The following SLC13A4 variants were observed in gnomAD, a reference collection of about 807,000 sequenced individuals.
The protein encoded by SLC13A4 is Na(+)/sulfate cotransporter SUT-1.
Under a neutral mutation model 72.7 loss-of-function variants are expected in SLC13A4, and 28 were observed. That is an observed-to-expected ratio of 0.39 (90% CI 0.29 to 0.53). The LOEUF (loss-of-function observed/expected upper bound fraction) is 0.53. SLC13A4 is among the 20% of genes least tolerant of loss of function. SLC13A4 has a pLI of 0.78. For missense variants in SLC13A4, 653 were observed against 788.0 expected, an observed-to-expected ratio of 0.83 and a Z score of 2.05; for synonymous variants, 312 against 325.5, an observed-to-expected ratio of 0.96 and a Z score of 0.45.
rs78294905 is a variant in SLC13A4, at chr7:135,701,160, A to T, written c.714+520T>A. The stretch of plus-strand genomic sequence containing the variant: ...ATGATTGATACATAATAAGCATTTA[A>T]TAAATGGTGGCAGTTATTTATGATG... On this transcript the variant is annotated intron_variant, in intron 7 of 15. Transcript: ENST00000682651. 1.4e-4 allele frequency among the ~76,000 whole-genome samples: 22 copies of T among 152,358 alleles called. No homozygotes were observed. The East Asian group carries it at 3.5e-3, about 24-fold the overall frequency.
At chr7:135,686,239 G>T in intron 13 of SLC13A4, among the ~76,000 whole-genome samples, 1 of 152,238 alleles carries the variant, frequency 6.6e-6, no homozygotes, top group Non-Finnish European at 1.5e-5. Flanking sequence ...TAATAAAGTA[G>T]AGGGGGATAA....
At position 135,706,329 on chromosome 7, in the gene SLC13A4, C is replaced by G. The variant is rs185596259; in HGVS notation, c.366-29G>C. The G allele has an allele frequency of 2.5e-6, 4 of 1,574,750 alleles. No individual in the cohort carries two copies. In the Admixed American group the frequency reaches 5.1e-5, roughly 20 times the overall value. Reference sequence around the variant, plus strand: ...GAAGGCAGGGAGGGTTGGGGCAGAGCGTCCACGGAACACACATCCCTGCGG... The same window carrying G: ...GAAGGCAGGGAGGGTTGGGGCAGAGGGTCCACGGAACACACATCCCTGCGG... On this transcript the variant is annotated intron_variant, in intron 3 of 15. Coordinates refer to ENST00000682651, the MANE Select transcript of SLC13A4 (RefSeq NM_001318192.2).
Position 135,681,794 on chromosome 7 carries a change from G to A in SLC13A4, c.1747-94C>T, listed in dbSNP as rs566182711. ...TCTGTTCCTGCAGCCTATGCCTTGT[G>A]GCCCAGATTAGTTCCCAGTTGCTGC... On this transcript the variant is annotated intron_variant, in intron 15 of 15. Coordinates refer to ENST00000682651, the MANE Select transcript of SLC13A4 (RefSeq NM_001318192.2). 24 of 1,524,256 alleles carry A rather than the reference G, an allele frequency of 1.6e-5. No individual in the cohort carries two copies. In the African/African-American group the frequency reaches 3.0e-4, roughly 19 times the overall value. 94.4% of individuals were successfully genotyped at this position (1,524,256 alleles called of 1,614,324 possible).
chr7:135,714,098 C>T (rs1344896441), intron 2 of SLC13A4, among the ~76,000 whole-genome samples: 4 of 152,220 alleles, frequency 2.6e-5, no homozygotes, highest in African/African-American at 4.8e-5. Flanking sequence ...GGGGCTCAGA[C>T]ACCCTTCTCA....
chr7:135,708,028 C>T, intron 3 of SLC13A4, 86 bp downstream of exon 3: 1 of 1,518,452 alleles, frequency 6.6e-7, no homozygotes, highest in Non-Finnish European at 9.0e-7. Flanking sequence ...AAGTGGACAT[C>T]CCGCAGTGAC....
chr7:135,707,606 G>C (rs1324035549), intron 3 of SLC13A4: 1 of 152,434 alleles, frequency 6.6e-6, no homozygotes, highest in Non-Finnish European at 1.5e-5. Context: ...ACTCAACCTT[G>C]ACACCGTAAC....
Position 135,691,654 on chromosome 7 carries a change from G to C in SLC13A4, c.1224-9C>G. 6.3e-7 allele frequency: 1 copy of C among 1,596,110 alleles called. No individual in the cohort carries two copies. The highest frequency in any genetic ancestry group is 8.6e-7 in the Non-Finnish European group (1 of 1,163,908). Reference sequence around the variant, plus strand: ...CAGTACGGTAGCCTTTCCTAGTAAAGAGACAAGCATAGCTGAGGAGAAGGG... The same window carrying C: ...CAGTACGGTAGCCTTTCCTAGTAAACAGACAAGCATAGCTGAGGAGAAGGG... On this transcript the variant is annotated splice_polypyrimidine_tract_variant and intron_variant, in intron 11 of 15. Transcript: ENST00000682651.
chr7:135,715,228 AGT>A (rs1796394460), intron 2 of SLC13A4, among the ~76,000 whole-genome samples: 1 of 131,970 alleles, frequency 7.6e-6, no homozygotes, highest in African/African-American at 2.6e-5. Context: ...TGTATATGTG[AGT>A]GTATGTGTGT....
chr7:135,717,498 G>A (rs1796456400), intron 2 of SLC13A4, among the ~76,000 whole-genome samples: 1 of 152,086 alleles, frequency 6.6e-6, no homozygotes, highest in African/African-American at 2.4e-5. Context: ...CACTTCATAG[G>A]GCATTCTGTA....
Position 135,687,783 on chromosome 7 carries a change from C to T in SLC13A4, c.1447-2100G>A, listed in dbSNP as rs1795669867. On this transcript the variant is annotated intron_variant, in intron 13 of 15. Coordinates refer to ENST00000682651, the MANE Select transcript of SLC13A4 (RefSeq NM_001318192.2). The stretch of plus-strand genomic sequence containing the variant: ...AGATGGAGTTTTACTTAACGTTATC[C>T]AAATAGTACTGGTAAGTAAAGTGAA... Among the ~76,000 whole-genome samples, 3 of 151,796 alleles carry T rather than the reference C, an allele frequency of 2.0e-5. No homozygotes were observed. In the South Asian group the frequency reaches 6.2e-4, roughly 32 times the overall value.
rs1172164978 is a variant in SLC13A4 at position 135,691,321 on chromosome 7, C to G, written c.1326G>C (p.Glu442Asp). 1 of 1,612,370 alleles carries G rather than the reference C, an allele frequency of 6.2e-7. No homozygotes were observed. The highest frequency in any genetic ancestry group is 2.2e-5 in the East Asian group (1 of 44,810). Residue 442 changes from glutamate to aspartate, a missense_variant, in exon 13 of 16, where the codon GAG becomes GAC. Glu to Asp is a conservative substitution (Grantham distance 45). Coordinates refer to ENST00000682651, the MANE Select transcript of SLC13A4 (RefSeq NM_001318192.2). ...CGGTCCCCAGTGAGTGCTCCTGGTTCTCTCCTGGATTAGAGAGAGATGTAA... is the reference window on the plus strand; with the variant it reads ...CGGTCCCCAGTGAGTGCTCCTGGTTGTCTCCTGGATTAGAGAGAGATGTAA... The part of the protein sequence containing the change: ...KPCFGKKNDG[E>D]NQEHSLGTEP...
chr7:135,705,544 C>T, intron 5 of SLC13A4, 52 bp downstream of exon 5: 1 of 1,561,510 alleles, frequency 6.4e-7, no homozygotes, highest in South Asian at 1.1e-5. Context: ...CTTTTCTGAC[C>T]TCCCCTATGG....
chr7:135,727,391 T>C lies in SLC13A4; in HGVS notation c.99+7A>G. The C allele has an allele frequency of 2.6e-6, 4 of 1,549,032 alleles. No individual in the cohort carries two copies. The highest frequency in any genetic ancestry group is 3.5e-6 in the Non-Finnish European group (4 of 1,146,808). On this transcript the variant is annotated splice_region_variant and intron_variant, in intron 1 of 15. Coordinates refer to ENST00000682651, the MANE Select transcript of SLC13A4 (RefSeq NM_001318192.2). Reference sequence around the variant, plus strand: ...CAGACCCCCGGTGGGCGCAGGTCGGTACTCACGCTGCTGGGGTGGAGGACG... The same window carrying C: ...CAGACCCCCGGTGGGCGCAGGTCGGCACTCACGCTGCTGGGGTGGAGGACG...
rs766473903 is a variant in SLC13A4 at position 135,706,243 on chromosome 7, G to A, written c.423C>T (p.Thr141=). The change falls in exon 4 of 16, where the codon ACC becomes ACT. Residue 141 remains threonine, a synonymous_variant. Coordinates refer to ENST00000682651, the MANE Select transcript of SLC13A4 (RefSeq NM_001318192.2). ...TTLLSMWLSN[T]STTAMVMPIV... ...TGGGCATCACCATGGCGGTGGTGGA[G>A]GTGTTGGACAGCCACATGGACAGCA... The A allele has an allele frequency of 6.2e-7, 1 of 1,613,954 alleles. No homozygotes were observed. Among genetic ancestry groups the A allele is most frequent in the South Asian group, 1.1e-5 (1 of 91,078 alleles).
At chr7:135,692,626 T>G (rs1795816088) in intron 10 of SLC13A4, 1 of 554,888 alleles carries the variant, frequency 1.8e-6, no homozygotes, top group African/African-American at 1.9e-5. Flanking sequence ...ACCATGTTCC[T>G]GGAGAAACTT....
intron 1 of SLC13A4, among the ~76,000 whole-genome samples, chr7:135,725,757 A>G (rs1165799766): frequency 6.6e-6 from 1 of 152,182 alleles, no homozygotes; most frequent in Non-Finnish European, 1.5e-5. Context: ...CATGAGTTTG[A>G]GACCAGCCTG....
chr7:135,713,029 T>C (rs1189516140), intron 2 of SLC13A4, among the ~76,000 whole-genome samples: 1 of 152,234 alleles, frequency 6.6e-6, no homozygotes, highest in African/African-American at 2.4e-5. Context: ...TGCATTTTGC[T>C]GGTTTCCCGT....
intron 15 of SLC13A4, 45 bp from the exon 16 acceptor site, chr7:135,681,745 C>T (rs143924967): frequency 1.9e-6 from 3 of 1,588,278 alleles, no homozygotes; most frequent in African/African-American, 2.7e-5. Flanking sequence ...TGACCAGCAG[C>T]AGCACAGATC....
intron 8 of SLC13A4, among the ~76,000 whole-genome samples, chr7:135,697,113 A>G (rs1210072435): frequency 1.3e-5 from 2 of 152,222 alleles, no homozygotes; most frequent in East Asian, 3.8e-4. Context: ...GTTATTATGA[A>G]TATCCAGGCA....
Sources: gnomAD v4.1 joint callset for allele counts (sites outside exome capture counted in the v4.1 genomes callset) on GRCh38, gnomAD v4.1.1 for gene constraint, MANE v1.5 for transcripts, NCBI Gene and HGNC (gene_info 2026-07-23, HGNC 2026-07-21) for gene names.